ADARB2: variants seen among roughly 807,000 people sequenced by gnomAD.
ADARB2 encodes the protein adenosine deaminase RNA specific B2 (inactive).
In ADARB2, 25 loss-of-function variants were observed where a neutral mutation model predicts 62.2. That is an observed-to-expected ratio of 0.40 (90% confidence interval 0.29 to 0.56). ADARB2 has a LOEUF of 0.56. Ranked by LOEUF, ADARB2 falls within the 20% of genes least tolerant of loss-of-function variation. ADARB2 has a pLI of 0.43. For missense variants in ADARB2, 1,071 were observed against 1,077.4 expected (o/e 0.99, Z 0.08); for synonymous variants, 572 against 500.8 (o/e 1.14, Z -1.90).
intron 1 of ADARB2, among the ~76,000 whole-genome samples, chr10:1,666,812 C>T (rs192041626): frequency 1.7e-4 from 26 of 152,278 alleles, no homozygotes; most frequent in Admixed American, 3.9e-4. Flanking sequence ...CAATGTTTAA[C>T]GGCATCAGCT....
chr10:1,478,770 G>T lies in ADARB2; in HGVS notation c.101-99610C>A, dbSNP rs145829039. Among the ~76,000 whole-genome samples, 3 of 144,074 alleles carry T rather than the reference G, an allele frequency of 2.1e-5. No homozygotes were observed. In the East Asian group the frequency reaches 6.3e-4, roughly 30 times the overall value. The allele number at this position is 144,074 out of a possible 152,430, so 94.5% of individuals were successfully genotyped here. Reference sequence around the variant, plus strand: ...AACAAGGACCCTCGGATGGGAGAGCGCCAAAATAAGGACCCTTGGACGGGA... The same window carrying T: ...AACAAGGACCCTCGGATGGGAGAGCTCCAAAATAAGGACCCTTGGACGGGA... On this transcript the variant is annotated intron_variant, in intron 1 of 9. Coordinates refer to ENST00000381312, the MANE Select transcript of ADARB2 (RefSeq NM_018702.4).
chr10:1,665,205 C>T (rs1301797223), intron 1 of ADARB2, among the ~76,000 whole-genome samples: 1 of 152,204 alleles, frequency 6.6e-6, no homozygotes, highest in Non-Finnish European at 1.5e-5. Flanking sequence ...TTAGTTATTT[C>T]CCCTGGCTCC....
intron 7 of ADARB2, among the ~76,000 whole-genome samples, chr10:1,207,233 G>C (rs926851437): frequency 5.9e-5 from 9 of 152,126 alleles, no homozygotes; most frequent in African/African-American, 2.2e-4. Context: ...TGTAATCCCA[G>C]CTACTCGGGA....
intron 1 of ADARB2, among the ~76,000 whole-genome samples, chr10:1,547,113 G>A (rs1301428693): frequency 2.6e-5 from 4 of 152,208 alleles, no homozygotes; most frequent in Non-Finnish European, 4.4e-5. Flanking sequence ...GTGGCCTGTC[G>A]GTCACCACTC....
intron 3 of ADARB2, among the ~76,000 whole-genome samples, chr10:1,323,860 C>G (rs1831819577): frequency 6.6e-6 from 1 of 152,062 alleles, no homozygotes; most frequent in South Asian, 2.1e-4. Context: ...ATCTTAGATT[C>G]AATACCAAAA....
rs535975074 is a variant in ADARB2 at position 1,703,478 on chromosome 10, T to A, written c.100+33573A>T. On this transcript the variant is annotated intron_variant, in intron 1 of 9. Coordinates refer to ENST00000381312, the MANE Select transcript of ADARB2 (RefSeq NM_018702.4). ...AAGACAAGAGAAATAGTAGTGTGTG[T>A]TTGAGTAGGCAGGGATGATCCAGCA... Among the ~76,000 whole-genome samples the A allele has an allele frequency of 5.9e-5, 9 of 152,140 alleles. No homozygotes were observed. The South Asian group carries it at 1.5e-3, about 25-fold the overall frequency.
intron 1 of ADARB2, among the ~76,000 whole-genome samples, chr10:1,402,959 C>A (rs1340668425): frequency 6.6e-6 from 1 of 152,252 alleles, no homozygotes; most frequent in Non-Finnish European, 1.5e-5. Flanking sequence ...CCACCCTCCT[C>A]CCTGGTGTTT....
chr10:1,675,485 A>G (rs1834455234), intron 1 of ADARB2: 2 of 977,686 alleles, frequency 2.0e-6, no homozygotes, highest in African/African-American at 1.8e-5. Flanking sequence ...TTGGGGGTAC[A>G]TGGATGTTCT....
At chr10:1,439,102 G>A (rs1226719497) in intron 1 of ADARB2, among the ~76,000 whole-genome samples, 145 of 147,264 alleles carry the variant, frequency 9.8e-4, no homozygotes, top group Non-Finnish European at 1.9e-3. Flanking sequence ...GCAGATGGAG[G>A]CAGGTCCTTC....
chr10:1,441,405 A>C (rs1157508813), intron 1 of ADARB2, among the ~76,000 whole-genome samples: 4 of 152,260 alleles, frequency 2.6e-5, no homozygotes, highest in Non-Finnish European at 5.9e-5. Context: ...CTTTCAGAAT[A>C]AAGAGACAAC....
At chr10:1,610,520 C>T (rs1833554136) in intron 1 of ADARB2, among the ~76,000 whole-genome samples, 1 of 152,182 alleles carries the variant, frequency 6.6e-6, no homozygotes, top group African/African-American at 2.4e-5. Context: ...GCCTGTAAAC[C>T]TGAGTCATTG....
intron 1 of ADARB2, among the ~76,000 whole-genome samples, chr10:1,474,303 A>T (rs1471114649): frequency 3.3e-5 from 5 of 152,072 alleles, no homozygotes; most frequent in Non-Finnish European, 7.4e-5. Flanking sequence ...CTGGGACGGC[A>T]TGGCCCTGGG....
intron 3 of ADARB2, among the ~76,000 whole-genome samples, chr10:1,314,112 C>T (rs1169634908): frequency 1.3e-5 from 2 of 152,216 alleles, no homozygotes; most frequent in East Asian, 3.9e-4. Flanking sequence ...AGGACCTACT[C>T]ACTTAGGAAT....
At chr10:1,615,598 C>T (rs1436138654) in intron 1 of ADARB2, among the ~76,000 whole-genome samples, 1 of 152,250 alleles carries the variant, frequency 6.6e-6, no homozygotes, top group Non-Finnish European at 1.5e-5. Context: ...GAATTGGGCT[C>T]TCCCACTGAC....
At chr10:1,203,386 C>T (rs190570691) in intron 7 of ADARB2, among the ~76,000 whole-genome samples, 68 of 152,272 alleles carry the variant, frequency 4.5e-4, no homozygotes, top group African/African-American at 1.6e-3. Flanking sequence ...GCAGGTGCGC[C>T]GGCATCAGGC....
intron 3 of ADARB2, among the ~76,000 whole-genome samples, chr10:1,278,872 C>T (rs973465281): frequency 6.6e-6 from 1 of 152,132 alleles, no homozygotes; most frequent in East Asian, 1.9e-4. Flanking sequence ...GGCTTGGATG[C>T]GTTTTGCATT....
At chr10:1,358,396 C>A (rs574851834) in intron 3 of ADARB2, among the ~76,000 whole-genome samples, 13 of 152,288 alleles carry the variant, frequency 8.5e-5, no homozygotes, top group African/African-American at 3.1e-4. Flanking sequence ...GGAAAAGGCC[C>A]AAACTCTAGG....
chr10:1,678,877 C>T (rs1834501735), intron 1 of ADARB2, among the ~76,000 whole-genome samples: 1 of 152,034 alleles, frequency 6.6e-6, no homozygotes, highest in South Asian at 2.1e-4. Context: ...GTTGTCTTGC[C>T]CACCAGGTAA....
chr10:1,524,060 AGATAGATAGAT>A lies in ADARB2; in HGVS notation c.101-144911_101-144901del, dbSNP rs1344516853. Among the ~76,000 whole-genome samples, 10 of 66,430 alleles carry A rather than the reference AGATAGATAGAT, an allele frequency of 1.5e-4. No individual in the cohort carries two copies. The South Asian group carries it at 2.5e-3, about 17-fold the overall frequency. 43.6% of individuals were successfully genotyped at this position (66,430 alleles called of 152,430 possible). On this transcript the variant is annotated intron_variant, in intron 1 of 9. Transcript: ENST00000381312. ...TCTAGACAGTATCCTGGGGATATGA[AGATAGATAGAT>A]AGATAGATAGATAGATAGATAGATA... is the stretch of plus-strand genomic sequence containing the variant.
Sources: gnomAD v4.1 joint callset for allele counts (sites outside exome capture counted in the v4.1 genomes callset) on GRCh38, gnomAD v4.1.1 for gene constraint, MANE v1.5 for transcripts, NCBI Gene and HGNC (gene_info 2026-07-23, HGNC 2026-07-21) for gene names.